Variants in SPIRE1 observed in about 807,000 individuals in gnomAD.
The protein encoded by SPIRE1 is spire type actin nucleation factor 1, also known as protein spire homolog 1.
Under a neutral mutation model 94.1 loss-of-function variants are expected in SPIRE1, and 40 were observed. That is an observed-to-expected ratio of 0.43 (90% CI 0.33 to 0.55). The LOEUF (loss-of-function observed/expected upper bound fraction) is 0.55. Among genes scored for constraint, SPIRE1 ranks in the 20% least tolerant of loss-of-function variants. The pLI is 0.06. For missense variants in SPIRE1, 838 were observed against 975.2 expected (o/e 0.86, Z 1.87); for synonymous variants, 376 against 371.7 (o/e 1.01, Z -0.13).
intron 3 of SPIRE1, among the ~76,000 whole-genome samples, chr18:12,539,602 C>T (rs897202014): frequency 4.6e-5 from 7 of 150,546 alleles, no homozygotes; most frequent in Non-Finnish European, 1.0e-4. Flanking sequence ...CACACACACA[C>T]ACACACACAC....
chr18:12,562,592 C>T (rs1176831551), intron 2 of SPIRE1, among the ~76,000 whole-genome samples: 1 of 151,978 alleles, frequency 6.6e-6, no homozygotes, highest in Non-Finnish European at 1.5e-5. Context: ...CACCCATCAA[C>T]CCATTACCTA....
At chr18:12,526,092 C>CACAG (rs765621602) in intron 4 of SPIRE1, among the ~76,000 whole-genome samples, 6 of 149,088 alleles carry the variant, frequency 4.0e-5, no homozygotes, top group East Asian at 2.0e-4. Context: ...CACACACACA[C>CACAG]AGAGATGTAT....
intron 9 of SPIRE1, among the ~76,000 whole-genome samples, chr18:12,480,223 A>G (rs982925501): frequency 1.3e-5 from 2 of 152,224 alleles, no homozygotes; most frequent in Admixed American, 1.3e-4. Flanking sequence ...GGATGAAGAG[A>G]GGACACACAC....
chr18:12,485,145 C>T (rs1449582965), intron 9 of SPIRE1, among the ~76,000 whole-genome samples: 1 of 143,196 alleles, frequency 7.0e-6, no homozygotes, highest in Non-Finnish European at 1.5e-5. Context: ...CGCTCTGTTG[C>T]CCAGGCTGAT....
intron 8 of SPIRE1, among the ~76,000 whole-genome samples, chr18:12,489,263 A>T (rs1428893313): frequency 6.6e-6 from 1 of 152,122 alleles, no homozygotes; most frequent in Non-Finnish European, 1.5e-5. Context: ...AACATCTTCC[A>T]CTCACCATTC....
intron 4 of SPIRE1, among the ~76,000 whole-genome samples, chr18:12,516,509 T>C (rs921205363): frequency 2.6e-5 from 4 of 152,160 alleles, no homozygotes; most frequent in African/African-American, 9.7e-5. Context: ...ATTACAGCCT[T>C]TGAGATTCTG....
intron 2 of SPIRE1, among the ~76,000 whole-genome samples, chr18:12,552,346 A>G (rs1381478065): frequency 6.6e-6 from 1 of 152,022 alleles, no homozygotes; most frequent in Non-Finnish European, 1.5e-5. Context: ...CCCTCTCCCA[A>G]CGCCAGGCAG....
chr18:12,620,246 C>G (rs551272623), intron 2 of SPIRE1, among the ~76,000 whole-genome samples: 1 of 152,060 alleles, frequency 6.6e-6, no homozygotes, highest in Non-Finnish European at 1.5e-5. Flanking sequence ...TTGTTAAATG[C>G]GATAATAACC....
intron 2 of SPIRE1, among the ~76,000 whole-genome samples, chr18:12,593,560 A>T (rs1034411813): frequency 6.6e-6 from 1 of 152,228 alleles, no homozygotes; most frequent in Non-Finnish European, 1.5e-5. Flanking sequence ...TTCCCGCTAT[A>T]TACCCAGCAT....
At chr18:12,616,867 A>T (rs1370785204) in intron 2 of SPIRE1, among the ~76,000 whole-genome samples, 5 of 152,084 alleles carry the variant, frequency 3.3e-5, no homozygotes, top group African/African-American at 4.8e-5. Flanking sequence ...TTTTATCATT[A>T]TTATTTTTTT....
rs575113314 is a variant in SPIRE1, at chr18:12,450,887, C to T, written c.2013-991G>A. 5.0e-5 allele frequency: 36 copies of T among 716,332 alleles called. No individual in the cohort carries two copies. In the East Asian group the frequency reaches 9.3e-4, roughly 19 times the overall value. 44.4% of individuals were successfully genotyped at this position (716,332 alleles called of 1,614,324 possible). ...GCCTTACACCACTAAGGCGGCAAAGCTGAAGGAAAAGTATGAGAAGGATGT... is the reference window on the plus strand; with the variant it reads ...GCCTTACACCACTAAGGCGGCAAAGTTGAAGGAAAAGTATGAGAAGGATGT... On this transcript the variant is annotated intron_variant, in intron 16 of 16. Transcript: ENST00000409402.
intron 12 of SPIRE1, among the ~76,000 whole-genome samples, chr18:12,457,458 A>T (rs183030718): frequency 0.15 from 22,785 of 152,202 alleles, 3,056 homozygotes; most frequent in African/African-American, 0.35. Context: ...CTAGAGCGGG[A>T]GCCCTTCCCC....
Position 12,454,502 on chromosome 18 carries a change from C to T in SPIRE1, c.1639-19G>A, listed in dbSNP as rs76643472. On this transcript the variant is annotated intron_variant, in intron 12 of 16. Coordinates refer to ENST00000409402, the MANE Select transcript of SPIRE1 (RefSeq NM_001128626.2). ...ATTCCTCCTGAAATTCAAAATGTCACGTGAATAAGAGATTCCTACCCCCTG... is the reference window on the plus strand; with the variant it reads ...ATTCCTCCTGAAATTCAAAATGTCATGTGAATAAGAGATTCCTACCCCCTG... 8.7e-6 allele frequency: 14 copies of T among 1,613,172 alleles called. No individual in the cohort carries two copies. In the African/African-American group the frequency reaches 1.1e-4, roughly 12 times the overall value.
At chr18:12,552,588 C>T (rs985826290) in intron 2 of SPIRE1, among the ~76,000 whole-genome samples, 4 of 151,972 alleles carry the variant, frequency 2.6e-5, no homozygotes, top group African/African-American at 9.7e-5. Flanking sequence ...ACACCCTGGG[C>T]CTGGTAGTTA....
intron 1 of SPIRE1, among the ~76,000 whole-genome samples, chr18:12,645,530 T>A (rs1567988784): frequency 6.6e-6 from 1 of 152,100 alleles, no homozygotes. Context: ...TCACTCTCAA[T>A]CTGATTCTTT....
intron 2 of SPIRE1, among the ~76,000 whole-genome samples, chr18:12,591,679 T>C (rs998876805): frequency 2.1e-4 from 32 of 152,082 alleles, no homozygotes; most frequent in Admixed American, 1.2e-3. Flanking sequence ...TGGTCAGATA[T>C]AGAAAACATT....
chr18:12,560,401 C>A (rs1161876716), intron 2 of SPIRE1, among the ~76,000 whole-genome samples: 1 of 152,090 alleles, frequency 6.6e-6, no homozygotes, highest in Non-Finnish European at 1.5e-5. Context: ...TACTATTCAG[C>A]CATGAAAAAG....
At chr18:12,562,394 C>T (rs183081532) in intron 2 of SPIRE1, among the ~76,000 whole-genome samples, 249 of 149,484 alleles carry the variant, frequency 1.7e-3, no homozygotes, top group Middle Eastern at 3.4e-3. Flanking sequence ...AAGTGATCCT[C>T]CCATCTCAGC....
chr18:12,454,679 C>T (rs1213235632), intron 12 of SPIRE1, among the ~76,000 whole-genome samples, 196 bp from the exon 13 acceptor site: 1 of 152,150 alleles, frequency 6.6e-6, no homozygotes, highest in Non-Finnish European at 1.5e-5. Context: ...TGGCAGAAAA[C>T]ATGTGGGGAC....
Sources: gnomAD v4.1 joint callset for allele counts (sites outside exome capture counted in the v4.1 genomes callset) on GRCh38, gnomAD v4.1.1 for gene constraint, MANE v1.5 for transcripts, NCBI Gene and HGNC (gene_info 2026-07-23, HGNC 2026-07-21) for gene names.